Variants in EPG5 observed in about 807,000 individuals in gnomAD.
The protein encoded by EPG5 is ectopic P-granules 5 autophagy tethering factor, also known as ectopic P granules protein 5 homolog.
Under a neutral mutation model 302.7 loss-of-function variants are expected in EPG5, and 159 were observed. That is an observed-to-expected ratio of 0.53 (90% CI 0.46 to 0.60). The LOEUF (loss-of-function observed/expected upper bound fraction) is 0.60, where lower values mean the gene tolerates loss of function less well. EPG5 is among the 20% of genes least tolerant of loss of function. The probability of loss-of-function intolerance (pLI) is 0.00; values close to 1 mark genes in which losing one functional copy is unlikely to be tolerated. For synonymous variants in EPG5, 1,158 were observed against 1,136.8 expected (o/e 1.02, Z -0.37); for missense variants, 2,896 against 3,092.4 (o/e 0.94, Z 1.51).
the EPG5 span, chr18:45,825,919 G>A: frequency 1.0e-6 from 1 of 1,000,392 alleles, no homozygotes. Context: ...GCTGCGCTTG[G>A]GGCCTGTGGT....
chr18:45,934,385 C>T (rs1418522498), intron 11 of EPG5, among the ~76,000 whole-genome samples: 3 of 152,138 alleles, frequency 2.0e-5, no homozygotes, highest in Admixed American at 6.5e-5. Flanking sequence ...TTTTAAAGTA[C>T]ACCTGTCTAC....
chr18:45,953,927 T>C (rs370731429), intron 2 of EPG5: 12 of 985,318 alleles, frequency 1.2e-5, no homozygotes, highest in African/African-American at 3.5e-5. Context: ...TGGATGTTGG[T>C]AGCATTATGC....
chr18:45,964,713 A>AGAGCATG (rs1335771875), intron 1 of EPG5, among the ~76,000 whole-genome samples: 2 of 152,142 alleles, frequency 1.3e-5, no homozygotes, highest in Non-Finnish European at 2.9e-5. Flanking sequence ...CATGCCTGTA[A>AGAGCATG]TCCCAGCACT....
Position 45,887,867 on chromosome 18 carries a change from TC to T in EPG5, c.4992del (p.Ile1665PhefsTer57). On this transcript the variant is annotated frameshift_variant, in exon 29 of 44. Transcript: ENST00000282041. LOFTEE classifies it high-confidence loss of function. ...AAAAGGCTAATGCCAACTTTCTGAA[TC>T]CCAGGTGTAGGCTGCAACTTGTAGG... Reference protein sequence around the residue: ...VNAYKLQPTPGIQKVGISLFF... With the variant: ...VNAYKLQPTPXIQKVGISLFF... The T allele has an allele frequency of 6.3e-7, 1 of 1,597,748 alleles. No individual in the cohort carries two copies. The highest frequency in any genetic ancestry group is 2.2e-5 in the East Asian group (1 of 44,518).
At chr18:45,912,599 T>G in intron 21 of EPG5, 143 bp from the exon 22 acceptor site, 1 of 870,684 alleles carries the variant, frequency 1.1e-6, no homozygotes, top group East Asian at 2.8e-5. Context: ...TAAAACTCAC[T>G]TCTCCAATCC....
chr18:45,922,333 C>T lies in EPG5; in HGVS notation c.3098+8G>A. On this transcript the variant is annotated splice_region_variant and intron_variant, in intron 16 of 43. Transcript: ENST00000282041. Reference sequence around the variant, plus strand: ...CAGTAACCCTAGTGGTTCAGCCCAACACTGTACCTGTGGCCCACAGCTGTC... The same window carrying T: ...CAGTAACCCTAGTGGTTCAGCCCAATACTGTACCTGTGGCCCACAGCTGTC... 6.2e-7 allele frequency: 1 copy of T among 1,614,078 alleles called. No homozygotes were observed. The highest frequency in any genetic ancestry group is 2.2e-5 in the East Asian group (1 of 44,878).
At chr18:45,939,545 T>G in intron 10 of EPG5, 55 bp downstream of exon 10, 1 of 1,552,654 alleles carries the variant, frequency 6.4e-7, no homozygotes, top group Non-Finnish European at 8.9e-7. Flanking sequence ...CACCGAATGG[T>G]TCTTACTAGT....
At position 45,934,942 on chromosome 18, in the gene EPG5, G is replaced by C. The variant is rs571198688; in HGVS notation, c.2124C>G (p.Ser708=). 5 of 1,612,130 alleles carry C rather than the reference G, an allele frequency of 3.1e-6. No individual in the cohort carries two copies. The highest frequency in any genetic ancestry group is 4.2e-6 in the Non-Finnish European group (5 of 1,179,486). ...CAGACAGAGTCCCAAAGGGCATCTCGGACATAAACAGCCAAATGCCAAGTC... is the reference window on the plus strand; with the variant it reads ...CAGACAGAGTCCCAAAGGGCATCTCCGACATAAACAGCCAAATGCCAAGTC... ...AKRLGIWLFM[S]EMPFGTLSVQ... is the part of the protein sequence containing the mutation. The change falls in exon 11 of 44, where the codon TCC becomes TCG. Residue 708 remains serine (S), a synonymous_variant. Coordinates refer to ENST00000282041, the MANE Select transcript of EPG5 (RefSeq NM_020964.3).
chr18:45,896,955 C>A (rs565365363), intron 27 of EPG5, among the ~76,000 whole-genome samples: 1 of 152,304 alleles, frequency 6.6e-6, no homozygotes, highest in Admixed American at 6.5e-5. Context: ...CTCTGACCTC[C>A]CTCCAATCAA....
At position 45,866,873 on chromosome 18, in the gene EPG5, A is replaced by G. The variant is rs376544185; in HGVS notation, c.6546T>C (p.Ser2182=). Residue 2182 remains serine, a synonymous_variant, in exon 38 of 44, where the codon TCT becomes TCC. Coordinates refer to ENST00000282041, the MANE Select transcript of EPG5 (RefSeq NM_020964.3). ...YPPSIILAKE[S]YAELIMKLLK... ...GGAGCTTCATGATTAATTCAGCATA[A>G]GATTCTTTTGCCAGGATGATGGACG... The G allele has an allele frequency of 4.4e-5, 71 of 1,614,092 alleles. No individual in the cohort carries two copies. The highest frequency in any genetic ancestry group is 5.8e-5 in the Non-Finnish European group (68 of 1,180,034).
the EPG5 span, among the ~76,000 whole-genome samples, chr18:45,823,512 T>C: frequency 6.6e-6 from 1 of 152,198 alleles, no homozygotes; most frequent in African/African-American, 2.4e-5. Flanking sequence ...CTGTGAACCC[T>C]TGACCACTGC....
At chr18:45,928,239 G>C (rs1462728973) in intron 13 of EPG5, among the ~76,000 whole-genome samples, 1 of 151,648 alleles carries the variant, frequency 6.6e-6, no homozygotes, top group African/African-American at 2.4e-5. Flanking sequence ...GATAGCTGAA[G>C]TCTAAGGGTT....
In EPG5 at chr18:45,951,114, C is replaced by A; in HGVS notation, c.1377G>T (p.Trp459Cys). The A allele has an allele frequency of 1.3e-6, 2 of 1,574,860 alleles. No homozygotes were observed. The highest frequency in any genetic ancestry group is 1.7e-6 in the Non-Finnish European group (2 of 1,163,498). ...TCTGTCCCCTTACCAATTTCTGCAG[C>A]CAGAGAAGAATATCATCATGAAACT... ...DTQFHDDILL[W>C]LQKLVSVLQR... The change falls in exon 4 of 44, where the codon TGG (tryptophan) becomes TGT (cysteine). Residue 459 changes from tryptophan (W) to cysteine (C), a missense_variant. Coordinates refer to ENST00000282041, the MANE Select transcript of EPG5 (RefSeq NM_020964.3).
Position 45,857,907 on chromosome 18 carries a change from C to G in EPG5, c.7388G>C (p.Ser2463Thr). The change falls in exon 42 of 44, where the codon AGC becomes ACC. Residue 2463 changes from serine to threonine, a missense_variant. Physicochemically the swap from Ser to Thr is moderately conservative, Grantham distance 58 (BLOSUM62 1). Transcript: ENST00000282041. The stretch of plus-strand genomic sequence containing the variant: ...CCCAATTGCCCCCAGGATCCCAGAG[C>G]TGAGTCTCTCCTCAGCCACGAGGTT... ...RQNLVAEERL[S>T]SGILGAIGFG... 1 of 1,612,626 alleles carries G rather than the reference C, an allele frequency of 6.2e-7. No homozygotes were observed. The highest frequency in any genetic ancestry group is 8.5e-7 in the Non-Finnish European group (1 of 1,180,030).
At chr18:45,815,867 T>A in the EPG5 span, among the ~76,000 whole-genome samples, 2 of 152,146 alleles carry the variant, frequency 1.3e-5, no homozygotes, top group Non-Finnish European at 2.9e-5. Context: ...TCTAGAAGCA[T>A]CACATTACCT....
chr18:45,886,400 T>C (rs1375590809), intron 29 of EPG5, among the ~76,000 whole-genome samples: 1 of 152,172 alleles, frequency 6.6e-6, no homozygotes, highest in African/African-American at 2.4e-5. Flanking sequence ...TAACATGAAA[T>C]AATGTCTAAA....
At chr18:45,929,444 T>C (rs928398498) in intron 12 of EPG5, among the ~76,000 whole-genome samples, 2 of 152,262 alleles carry the variant, frequency 1.3e-5, no homozygotes, top group Non-Finnish European at 2.9e-5. Context: ...TTTTGAATTA[T>C]GTCTTCCAAA....
At chr18:45,899,686 T>C in intron 26 of EPG5, 120 bp from the exon 27 acceptor site, 1 of 1,008,776 alleles carries the variant, frequency 9.9e-7, no homozygotes, top group Non-Finnish European at 1.4e-6. Flanking sequence ...TAAACCATAG[T>C]AACAGAGGAC....
intron 1 of EPG5, among the ~76,000 whole-genome samples, chr18:45,956,090 A>T (rs72918383): frequency 0.12 from 17,610 of 152,284 alleles, 1,362 homozygotes; most frequent in African/African-American, 0.22. Flanking sequence ...GGAAAATAGT[A>T]AGTTTCAGTG....
Sources: gnomAD v4.1 joint callset for allele counts (sites outside exome capture counted in the v4.1 genomes callset) on GRCh38, gnomAD v4.1.1 for gene constraint, MANE v1.5 for transcripts, NCBI Gene and HGNC (gene_info 2026-07-23, HGNC 2026-07-21) for gene names.